The following BTBD9 variants were observed in gnomAD, a reference collection of about 807,000 sequenced individuals.
BTBD9 encodes BTB domain containing 9.
BTBD9 carries 49 observed loss-of-function variants against 64.3 expected under a neutral mutation model. The observed-to-expected ratio is 0.76, with a 90% CI of 0.61 to 0.97. The LOEUF (loss-of-function observed/expected upper bound fraction) is 0.97, where lower values mean the gene tolerates loss of function less well. Ranked by LOEUF, BTBD9 falls within the 50% of genes least tolerant of loss-of-function variation. The pLI, the probability that BTBD9 is intolerant of heterozygous loss-of-function variation, is 0.00. For synonymous variants in BTBD9, 260 were observed against 274.7 expected, an observed-to-expected ratio of 0.95 and a Z score of 0.53; for missense variants, 598 against 762.1, an observed-to-expected ratio of 0.78 and a Z score of 2.53.
intron 6 of BTBD9, among the ~76,000 whole-genome samples, chr6:38,384,673 A>G (rs1322399967): frequency 6.6e-6 from 1 of 152,222 alleles, no homozygotes; most frequent in Non-Finnish European, 1.5e-5. Flanking sequence ...TTGGGGTAAT[A>G]TGTGATAACT....
At position 38,580,315 on chromosome 6, in the gene BTBD9, G is replaced by A; in HGVS notation, c.937C>T (p.Pro313Ser). Residue 313 changes from proline (P) to serine (S), a missense_variant, in exon 5 of 11, where the codon CCA (proline) becomes TCA (serine). Physicochemically the swap from Pro to Ser is moderately conservative, Grantham distance 74. Coordinates refer to ENST00000481247, the MANE Select transcript of BTBD9 (RefSeq NM_001099272.2). ...CCGGAACGGCAGTCATCATCAATTG[G>A]GTGCCTTGAAAATCCATGATCCAAA... ...YDLDHGFSRH[P>S]IDDDCRSGIE... is the part of the protein sequence containing the mutation. 1 of 1,614,072 alleles carries A rather than the reference G, an allele frequency of 6.2e-7. No homozygotes were observed. Among genetic ancestry groups the A allele is most frequent in the Non-Finnish European group, 8.5e-7 (1 of 1,180,012 alleles).
intron 8 of BTBD9, among the ~76,000 whole-genome samples, chr6:38,260,231 T>C (rs879853336): frequency 1.3e-5 from 2 of 152,198 alleles, no homozygotes; most frequent in Non-Finnish European, 2.9e-5. Flanking sequence ...TTCGTAACTC[T>C]GACACAGTAG....
chr6:38,557,867 C>T (rs1372624130), intron 6 of BTBD9, among the ~76,000 whole-genome samples: 3 of 152,178 alleles, frequency 2.0e-5, no homozygotes, highest in South Asian at 4.1e-4. Context: ...TTGGACATAG[C>T]CAAGTTAGAA....
intron 6 of BTBD9, among the ~76,000 whole-genome samples, chr6:38,418,249 T>A (rs187808414): frequency 2.6e-5 from 4 of 152,230 alleles, no homozygotes; most frequent in African/African-American, 7.2e-5. Flanking sequence ...AATAAATATG[T>A]TTAGGGTTGC....
chr6:38,545,855 TACACACACACACACACACAC>T (rs34465570), intron 6 of BTBD9, among the ~76,000 whole-genome samples: 49 of 130,594 alleles, frequency 3.8e-4, no homozygotes, highest in Non-Finnish European at 6.5e-4. Context: ...CACACACACA[TACACACACACACACACACAC>T]ACACACACAC....
chr6:38,561,941 T>C (rs1366801351), intron 6 of BTBD9, among the ~76,000 whole-genome samples: 2 of 151,916 alleles, frequency 1.3e-5, no homozygotes, highest in Non-Finnish European at 2.9e-5. Context: ...AAGTTGAAAT[T>C]AGAGAGAGAG....
intron 6 of BTBD9, among the ~76,000 whole-genome samples, chr6:38,536,294 A>T (rs1461898690): frequency 6.6e-6 from 1 of 152,192 alleles, no homozygotes; most frequent in African/African-American, 2.4e-5. Context: ...CATCCCAGTT[A>T]AAATGGCTTT....
chr6:38,577,486 T>C (rs926418778), intron 6 of BTBD9, 114 bp downstream of exon 6: 7 of 1,010,054 alleles, frequency 6.9e-6, no homozygotes, highest in Non-Finnish European at 8.6e-6. Flanking sequence ...ATATGTTTAG[T>C]AGTTGACATC....
At chr6:38,489,718 T>C (rs925167341) in intron 6 of BTBD9, among the ~76,000 whole-genome samples, 17 of 151,976 alleles carry the variant, frequency 1.1e-4, no homozygotes, top group Admixed American at 7.9e-4. Flanking sequence ...TGGTTTCTCT[T>C]TGTTTCACAC....
At chr6:38,360,998 T>A (rs1422198424) in intron 6 of BTBD9, among the ~76,000 whole-genome samples, 1 of 152,222 alleles carries the variant, frequency 6.6e-6, no homozygotes, top group Non-Finnish European at 1.5e-5. Context: ...CCTAATGGCA[T>A]CCCTTTCCAG....
intron 9 of BTBD9, among the ~76,000 whole-genome samples, chr6:38,220,033 A>G (rs760085295): frequency 2.6e-5 from 4 of 152,228 alleles, no homozygotes; most frequent in Non-Finnish European, 4.4e-5. Flanking sequence ...TAAATTTGTT[A>G]ACTATCAAGA....
chr6:38,180,830 G>T (rs1031992525), intron 10 of BTBD9, among the ~76,000 whole-genome samples: 6 of 152,194 alleles, frequency 3.9e-5, no homozygotes, highest in Non-Finnish European at 2.9e-5. Flanking sequence ...TCTCTCCCCT[G>T]AGAGAAGCCG....
chr6:38,200,513 A>T (rs1482614349), intron 9 of BTBD9, among the ~76,000 whole-genome samples: 1 of 152,192 alleles, frequency 6.6e-6, no homozygotes, highest in Non-Finnish European at 1.5e-5. Flanking sequence ...AAAATTGATA[A>T]ACTGCTAGCT....
At chr6:38,615,413 A>G (rs754243699) in intron 1 of BTBD9, among the ~76,000 whole-genome samples, 2 of 152,114 alleles carry the variant, frequency 1.3e-5, no homozygotes, top group African/African-American at 4.8e-5. Context: ...TACTCCACCA[A>G]GATCTACAGC....
intron 6 of BTBD9, among the ~76,000 whole-genome samples, chr6:38,444,352 A>G (rs1205397318): frequency 6.6e-6 from 1 of 152,220 alleles, no homozygotes; most frequent in African/African-American, 2.4e-5. Flanking sequence ...CCAGAATCAT[A>G]AAAGAATCAT....
chr6:38,272,840 A>AC (rs111790574), intron 8 of BTBD9, among the ~76,000 whole-genome samples: 166 of 15,162 alleles, frequency 0.011, no homozygotes, highest in African/African-American at 0.1. Flanking sequence ...AAAGGAGATG[A>AC]ATACAGAAAG....
chr6:38,319,911 T>C (rs916192079), intron 7 of BTBD9, among the ~76,000 whole-genome samples: 1 of 152,082 alleles, frequency 6.6e-6, no homozygotes, highest in African/African-American at 2.4e-5. Context: ...CAAGTTTATT[T>C]AGAATCCCAG....
intron 7 of BTBD9, among the ~76,000 whole-genome samples, chr6:38,322,286 A>C (rs530115096): frequency 3.2e-4 from 48 of 151,794 alleles, no homozygotes; most frequent in Middle Eastern, 3.4e-3. Context: ...CCAACTCTAA[A>C]CCTCCTGCTT....
chr6:38,179,142 T>A (rs9462400), intron 10 of BTBD9, among the ~76,000 whole-genome samples: 10 of 151,996 alleles, frequency 6.6e-5, no homozygotes, highest in Non-Finnish European at 1.0e-4. Flanking sequence ...TGAGCTACCA[T>A]GCCCAGCCTA....
Sources: allele counts gnomAD v4.1 joint callset (sites outside exome capture counted in the v4.1 genomes callset), GRCh38; gene constraint gnomAD v4.1.1; transcripts MANE v1.5; gene names NCBI Gene and HGNC (gene_info 2026-07-23, HGNC 2026-07-21).